Variants in TAF1 observed in about 807,000 individuals in gnomAD.
TAF1 encodes TATA-box binding protein associated factor 1, also known as transcription initiation factor TFIID subunit 1.
In TAF1, 2 loss-of-function variants were observed where a neutral mutation model predicts 138.5. The observed-to-expected ratio is 0.01, with a 90% CI of 0.01 to 0.05. TAF1 has a LOEUF of 0.05. TAF1 is among the 10% of genes least tolerant of loss of function. The pLI is 1.00. For missense variants in TAF1, 709 were observed against 1,478.0 expected (o/e 0.48, Z 8.53); for synonymous variants, 437 against 503.2 (o/e 0.87, Z 1.76).
At chrX:71,373,675 A>T (rs1352326827) in intron 3 of TAF1, among the ~76,000 whole-genome samples, 1 of 111,704 alleles carries the variant, frequency 9.0e-6, no homozygotes, top group Non-Finnish European at 1.9e-5. Flanking sequence ...TAGGAAGCAG[A>T]AGAGTCGTGG....
At chrX:71,495,530 G>A (rs1016456411) in intron 13 of TAF1, among the ~76,000 whole-genome samples, 2 of 111,688 alleles carry the variant, frequency 1.8e-5, no homozygotes, top group Non-Finnish European at 3.8e-5. Context: ...ACTGGTTAGT[G>A]TAAAAACAAC....
At chrX:71,491,055 T>G (rs1455718724) in intron 13 of TAF1, 3 of 100,091 alleles carry the variant, frequency 3.0e-5, no homozygotes, top group Non-Finnish European at 4.1e-5. Flanking sequence ...TTTTTTTTTT[T>G]TTTTTTTTTT....
At chrX:71,448,812 T>C (rs2148768685) in intron 32 of TAF1, among the ~76,000 whole-genome samples, 1 of 107,180 alleles carries the variant, frequency 9.3e-6, no homozygotes, top group East Asian at 2.8e-4. Context: ...CTTTTTCTTT[T>C]TCTTTTTCTT....
intron 22 of TAF1, among the ~76,000 whole-genome samples, chrX:71,396,312 T>G (rs2034846941): frequency 9.7e-6 from 1 of 103,550 alleles, no homozygotes; most frequent in Admixed American, 1.0e-4. Context: ...TTTTTTTTTT[T>G]GAAACAGGAC....
chrX:71,366,667 C>T (rs1311512133), intron 1 of TAF1, among the ~76,000 whole-genome samples, 173 bp downstream of exon 1: 1 of 110,827 alleles, frequency 9.0e-6, no homozygotes, highest in African/African-American at 3.3e-5. Flanking sequence ...AGTGATCGTT[C>T]TGGGGGAGAG....
intron 28 of TAF1, among the ~76,000 whole-genome samples, chrX:71,411,835 G>A (rs906557386): frequency 1.8e-5 from 2 of 112,147 alleles, no homozygotes; most frequent in African/African-American, 3.2e-5. Context: ...TCAGCTCACC[G>A]CAACCTCCAC....
chrX:71,387,358 G>A lies in TAF1; in HGVS notation c.2324G>A (p.Arg775Gln). The stretch of plus-strand genomic sequence containing the variant: ...CGGACAAGACAGGGTTACTATATTC[G>A]GGAATTAGTGGATATTTTTGTGGTT... ...IIRTRQGYYI[R>Q]ELVDIFVVGQ... is the part of the protein sequence containing the mutation. The change falls in exon 15 of 38, where the codon CGG becomes CAG. Residue 775 changes from arginine (R) to glutamine (Q), a missense_variant. Transcript: ENST00000423759. 4.1e-6 allele frequency: 5 copies of A among 1,211,733 alleles called. No homozygotes were observed. Among genetic ancestry groups the A allele is most frequent in the Non-Finnish European group, 5.6e-6 (5 of 895,523 alleles).
intron 37 of TAF1, among the ~76,000 whole-genome samples, chrX:71,463,153 G>A (rs182647356): frequency 4.7e-4 from 52 of 111,575 alleles, no homozygotes; most frequent in African/African-American, 1.7e-3. Flanking sequence ...AGCATCTAAA[G>A]TTCACAAAAA....
Position 71,464,133 on chromosome X carries a change from T to A in TAF1, c.*87T>A. 1.2e-6 allele frequency: 1 copy of A among 841,318 alleles called. No individual in the cohort carries two copies. Among genetic ancestry groups the A allele is most frequent in the Non-Finnish European group, 1.7e-6 (1 of 596,671 alleles). 69.3% of individuals were successfully genotyped at this position (841,318 alleles called of 1,213,427 possible). ...CCCCAATTTGTTCATATTTGTACAG[T>A]ATCTGATCCTGAAATCATGAAATTA... On this transcript the variant is annotated 3_prime_UTR_variant, in exon 38 of 38. Coordinates refer to ENST00000423759, the MANE Select transcript of TAF1 (RefSeq NM_004606.5).
chrX:71,503,320 A>ATATATG (rs767650198), intron 13 of TAF1, among the ~76,000 whole-genome samples: 14 of 88,678 alleles, frequency 1.6e-4, no homozygotes, highest in African/African-American at 6.7e-4. Flanking sequence ...ATATATATAT[A>ATATATG]TGTGTGTGTA....
chrX:71,495,874 A>AG (rs1284068337), intron 13 of TAF1, among the ~76,000 whole-genome samples: 1 of 112,137 alleles, frequency 8.9e-6, no homozygotes, highest in Non-Finnish European at 1.9e-5. Flanking sequence ...ATTAGAAGTT[A>AG]GGATAATACA....
chrX:71,478,421 C>T (rs138995870), intron 13 of TAF1, among the ~76,000 whole-genome samples: 3 of 109,875 alleles, frequency 2.7e-5, no homozygotes, highest in Admixed American at 9.8e-5. Context: ...CTTTGGGGGC[C>T]GAGGTAGGAG....
rs772133430 is a variant in TAF1 at position 71,394,148 on chromosome X, G to A, written c.3309G>A (p.Lys1103=). The change falls in exon 22 of 38, where the codon AAG becomes AAA. Residue 1103 remains lysine, a synonymous_variant. Transcript: ENST00000423759. ...AEDSDFEEMG[K]NIENMLQNKK... is the part of the protein sequence containing the mutation. ...ATAGTGACTTTGAAGAAATGGGAAA[G>A]AACATTGAGAACATGTTGCAGAACA... 2 of 1,211,916 alleles carry A rather than the reference G, an allele frequency of 1.7e-6. No homozygotes were observed. Among genetic ancestry groups the A allele is most frequent in the Admixed American group, 4.4e-5 (2 of 45,937 alleles).
At chrX:71,393,710 A>G (rs772549772) in intron 21 of TAF1, among the ~76,000 whole-genome samples, 29 of 111,929 alleles carry the variant, frequency 2.6e-4, no homozygotes, top group Admixed American at 4.8e-4. Context: ...TCTAGGTTCC[A>G]TGACAACTTT....
intron 13 of TAF1, among the ~76,000 whole-genome samples, chrX:71,524,070 G>A (rs374236055): frequency 1.5e-4 from 15 of 102,166 alleles, no homozygotes; most frequent in African/African-American, 4.0e-4. Flanking sequence ...CACCCAGGCC[G>A]GAGTGCAGTG....
At chrX:71,528,850 G>A in intron 14 of TAF1, 1 of 251,985 alleles carries the variant, frequency 4.0e-6, no homozygotes, top group Non-Finnish European at 7.5e-6. Context: ...GTTGCCAGTG[G>A]GGCTGGGGGC....
At position 71,421,387 on chromosome X, in the gene TAF1, TAGAATG is replaced by T. The variant is rs1368459423; in HGVS notation, c.4452+15_4452+20del. Reference sequence around the variant, plus strand: ...GAAAAACTCAAAGAGGTAAGACAGTTAGAATGAGAGAAAGGCAGTGGAATTTGAAGG... The same window carrying T: ...GAAAAACTCAAAGAGGTAAGACAGTTAGAGAAAGGCAGTGGAATTTGAAGG... On this transcript the variant is annotated intron_variant, in intron 29 of 37. Coordinates refer to ENST00000423759, the MANE Select transcript of TAF1 (RefSeq NM_004606.5). 5.2e-6 allele frequency: 6 copies of T among 1,153,628 alleles called. No individual in the cohort carries two copies. The highest frequency in any genetic ancestry group is 5.8e-6 in the Non-Finnish European group (5 of 858,956).
chrX:71,407,759 A>T, intron 27 of TAF1, 87 bp downstream of exon 27: 3 of 1,024,957 alleles, frequency 2.9e-6, no homozygotes, highest in Non-Finnish European at 4.0e-6. Flanking sequence ...AGTAATCTGT[A>T]GATTTAGGTA....
chrX:71,497,284 G>A (rs950537557), intron 13 of TAF1, among the ~76,000 whole-genome samples: 7 of 111,263 alleles, frequency 6.3e-5, no homozygotes, highest in East Asian at 2.8e-4. Context: ...AGTCATGCTC[G>A]ATTAGTTCTC....
Sources: gnomAD v4.1 joint callset for allele counts (sites outside exome capture counted in the v4.1 genomes callset) on GRCh38, gnomAD v4.1.1 for gene constraint, MANE v1.5 for transcripts, NCBI Gene and HGNC (gene_info 2026-07-23, HGNC 2026-07-21) for gene names.